Variants in ZFAT observed in about 807,000 individuals in gnomAD.
ZFAT encodes zinc finger protein ZFAT.
Under a neutral mutation model 117.7 loss-of-function variants are expected in ZFAT, and 64 were observed. That is an observed-to-expected ratio of 0.54 (90% CI 0.44 to 0.67). The LOEUF is 0.67. ZFAT is among the 30% of genes least tolerant of loss of function. The pLI is 0.00. For missense variants in ZFAT, 1,433 were observed against 1,584.5 expected, an observed-to-expected ratio of 0.90 and a Z score of 1.62; for synonymous variants, 679 against 615.0, an observed-to-expected ratio of 1.10 and a Z score of -1.54.
At chr8:134,631,922 AG>A (rs1239926894) in intron 3 of ZFAT, among the ~76,000 whole-genome samples, 2 of 152,156 alleles carry the variant, frequency 1.3e-5, no homozygotes, top group African/African-American at 4.8e-5. Flanking sequence ...TTATTTTTTA[AG>A]GGGTTTTTGA....
At chr8:134,558,933 G>T (rs977791245) in intron 11 of ZFAT, among the ~76,000 whole-genome samples, 7 of 152,198 alleles carry the variant, frequency 4.6e-5, no homozygotes, top group African/African-American at 1.7e-4. Flanking sequence ...CCTGTGCTTT[G>T]CTATGAGACC....
chr8:134,813,876 T>C, the ZFAT span, among the ~76,000 whole-genome samples: 3 of 151,918 alleles, frequency 2.0e-5, no homozygotes, highest in South Asian at 2.1e-4. Flanking sequence ...AAAATATATA[T>C]ATTATTACTC....
At chr8:134,683,048 T>C (rs922644064) in intron 1 of ZFAT, among the ~76,000 whole-genome samples, 1 of 152,182 alleles carries the variant, frequency 6.6e-6, no homozygotes, top group Non-Finnish European at 1.5e-5. Flanking sequence ...TGTCAGAAAA[T>C]GGTCATAACA....
At chr8:134,783,605 T>C in the ZFAT span, 6 of 152,298 alleles carry the variant, frequency 3.9e-5, no homozygotes, top group East Asian at 9.6e-4. Flanking sequence ...CTCTATCAAA[T>C]ATTATTTTTA....
chr8:134,599,428 A>C (rs1225815762), intron 7 of ZFAT: 1 of 237,170 alleles, frequency 4.2e-6, no homozygotes, highest in Non-Finnish European at 8.4e-6. Context: ...TATATAAAAT[A>C]GATTTTTTAA....
chr8:134,678,432 G>A (rs967494211), intron 1 of ZFAT, among the ~76,000 whole-genome samples: 3 of 152,156 alleles, frequency 2.0e-5, no homozygotes, highest in African/African-American at 4.8e-5. Context: ...ACTGCTCAAG[G>A]AAATAAGAGA....
At chr8:134,751,762 A>G in the ZFAT span, among the ~76,000 whole-genome samples, 2 of 152,300 alleles carry the variant, frequency 1.3e-5, no homozygotes, top group East Asian at 3.9e-4. Flanking sequence ...AGGCCTGGAC[A>G]TGGTTTGAAG....
At chr8:134,606,941 C>A (rs964080592) in intron 5 of ZFAT, among the ~76,000 whole-genome samples, 3 of 152,010 alleles carry the variant, frequency 2.0e-5, no homozygotes, top group Non-Finnish European at 4.4e-5. Flanking sequence ...AACTCTGTAT[C>A]ATTTGTTATG....
intron 10 of ZFAT, among the ~76,000 whole-genome samples, chr8:134,572,813 A>G (rs1223708272): frequency 6.6e-6 from 1 of 152,204 alleles, no homozygotes; most frequent in Non-Finnish European, 1.5e-5. Context: ...GAAAAAAAAA[A>G]AAGCTGACTG....
chr8:134,639,007 A>C (rs1057415079), intron 2 of ZFAT, among the ~76,000 whole-genome samples: 4 of 152,128 alleles, frequency 2.6e-5, no homozygotes, highest in African/African-American at 9.7e-5. Flanking sequence ...CATCTGTAGA[A>C]TGTCTCTCAG....
intron 15 of ZFAT, among the ~76,000 whole-genome samples, chr8:134,484,806 A>G (rs1817555023): frequency 6.6e-6 from 1 of 152,162 alleles, no homozygotes; most frequent in South Asian, 2.1e-4. Context: ...AGTGATTATT[A>G]TTATTTTGAG....
the ZFAT span, among the ~76,000 whole-genome samples, chr8:134,734,935 C>T: frequency 2.0e-5 from 3 of 152,140 alleles, no homozygotes; most frequent in African/African-American, 4.8e-5. Flanking sequence ...CTTGCTGCTC[C>T]GTTCCTCTCA....
At chr8:134,709,749 T>C (rs1813915695) in intron 1 of ZFAT, among the ~76,000 whole-genome samples, 1 of 152,228 alleles carries the variant, frequency 6.6e-6, no homozygotes, top group African/African-American at 2.4e-5. Flanking sequence ...TAACAATAGC[T>C]ATCTTGCAAA....
At chr8:134,767,361 G>A in the ZFAT span, 1 of 152,096 alleles carries the variant, frequency 6.6e-6, no homozygotes, top group Non-Finnish European at 1.5e-5. Context: ...TTTTGCAGAT[G>A]CAAATCTAGA....
At chr8:134,697,172 T>G (rs1168675692) in intron 1 of ZFAT, among the ~76,000 whole-genome samples, 1 of 152,064 alleles carries the variant, frequency 6.6e-6, no homozygotes, top group African/African-American at 2.4e-5. Context: ...TGGAGTGCAG[T>G]GGCACGATCT....
chr8:134,589,628 C>A lies in ZFAT; in HGVS notation c.2563+640G>T, dbSNP rs147310929. ...GAGAGTCACAGTGACTTGAGCACAG[C>A]GGTCAGTGCGCCCTGTGTGACGTTA... On this transcript the variant is annotated intron_variant, in intron 8 of 15. Transcript: ENST00000377838. Among the ~76,000 whole-genome samples, 100 of 152,300 alleles carry A rather than the reference C, an allele frequency of 6.6e-4. 2 individuals are homozygous for A. The South Asian group carries it at 0.012, about 19-fold the overall frequency.
the ZFAT span, among the ~76,000 whole-genome samples, chr8:134,827,546 T>A: frequency 6.6e-6 from 1 of 152,050 alleles, no homozygotes; most frequent in Non-Finnish European, 1.5e-5. Flanking sequence ...GGAGGGCGGA[T>A]CACCTGAGGT....
chr8:134,591,222 T>A (rs1403637892), intron 7 of ZFAT, among the ~76,000 whole-genome samples: 9 of 152,198 alleles, frequency 5.9e-5, no homozygotes, highest in Admixed American at 5.9e-4. Context: ...TGTTACAGAT[T>A]AAGAAAACAA....
At chr8:134,780,396 C>T in the ZFAT span, among the ~76,000 whole-genome samples, 1 of 152,206 alleles carries the variant, frequency 6.6e-6, no homozygotes, top group Non-Finnish European at 1.5e-5. Context: ...CCTATACCTA[C>T]CAAATTCCTA....
Sources: gnomAD v4.1 joint callset for allele counts (sites outside exome capture counted in the v4.1 genomes callset) on GRCh38, gnomAD v4.1.1 for gene constraint, MANE v1.5 for transcripts, NCBI Gene and HGNC (gene_info 2026-07-23, HGNC 2026-07-21) for gene names.